The following DNAH7 variants were observed in gnomAD, a reference collection of about 807,000 sequenced individuals.
The protein encoded by DNAH7 is axonemal beta dynein heavy chain 7.
A neutral mutation model predicts 444.6 loss-of-function variants in DNAH7; 397 were observed. That is an observed-to-expected ratio of 0.89 (90% CI 0.82 to 0.97). DNAH7 has a LOEUF of 0.97. DNAH7 is among the 50% of genes least tolerant of loss of function. The pLI is 0.00. For synonymous variants in DNAH7, 1,636 were observed against 1,624.4 expected (o/e 1.01, Z -0.17); for missense variants, 4,902 against 4,800.8 (o/e 1.02, Z -0.62).
At chr2:196,013,242 C>T (rs1430515713) in intron 9 of DNAH7, among the ~76,000 whole-genome samples, 2 of 152,062 alleles carry the variant, frequency 1.3e-5, no homozygotes, top group African/African-American at 4.8e-5. Context: ...TTCTAGGATC[C>T]ACTGCTCTGA....
intron 54 of DNAH7, among the ~76,000 whole-genome samples, chr2:195,804,505 GCAAA>G (rs141980357): frequency 1.8e-3 from 269 of 152,312 alleles, no homozygotes; most frequent in African/African-American, 6.3e-3. Flanking sequence ...AGCTGTGCTG[GCAAA>G]CAGTTTCCAA....
intron 40 of DNAH7, among the ~76,000 whole-genome samples, chr2:195,866,902 TAA>T (rs993667513): frequency 2.0e-5 from 3 of 152,160 alleles, no homozygotes; most frequent in Non-Finnish European, 4.4e-5. Context: ...TGATAGTGAA[TAA>T]GTCTCACGAG....
rs1284070060 is a variant in DNAH7, at chr2:195,777,854, A to C, written c.11010T>G (p.Asn3670Lys). 3 of 1,613,984 alleles carry C rather than the reference A, an allele frequency of 1.9e-6. No individual in the cohort carries two copies. The African/African-American group carries it at 4.0e-5, about 22-fold the overall frequency. ...CACTTGAGTCGAACTTATAGTCTGA[A>C]TTTTCAACTAATTCGGGATTGAAGA... ...NKFFNPELVE[N>K]SDYKFDSSGI... Residue 3670 changes from asparagine to lysine, a missense_variant, in exon 59 of 65, where the codon AAT (asparagine) becomes AAG (lysine). Coordinates refer to ENST00000312428, the MANE Select transcript of DNAH7 (RefSeq NM_018897.3).
At position 195,816,671 on chromosome 2, in the gene DNAH7, G is replaced by A. The variant is rs773159967; in HGVS notation, c.9718C>T (p.Leu3240=). ...GATTTCTCTGAATTTTCAATAGACA[G>A]GATGAAAAGGTTAATAAACCAGGTC... ...SLTWFINLFI[L]SIENSEKSEI... The change falls in exon 51 of 65, where the codon CTG becomes TTG. Residue 3240 remains leucine, a synonymous_variant. Transcript: ENST00000312428. 1 of 1,613,888 alleles carries A rather than the reference G, an allele frequency of 6.2e-7. No individual in the cohort carries two copies. The highest frequency in any genetic ancestry group is 1.1e-5 in the South Asian group (1 of 90,996).
chr2:195,915,256 G>A (rs1687603461), intron 24 of DNAH7, among the ~76,000 whole-genome samples: 1 of 152,322 alleles, frequency 6.6e-6, no homozygotes, highest in African/African-American at 2.4e-5. Flanking sequence ...GAATGTCAGA[G>A]AAAGGCTACC....
chr2:195,939,704 C>A (rs895735742), intron 19 of DNAH7, among the ~76,000 whole-genome samples: 4 of 152,062 alleles, frequency 2.6e-5, no homozygotes, highest in African/African-American at 9.7e-5. Flanking sequence ...TCACAACCAC[C>A]CACCAATCTC....
chr2:195,852,076 G>A (rs1449664857), intron 46 of DNAH7, among the ~76,000 whole-genome samples: 1 of 152,080 alleles, frequency 6.6e-6, no homozygotes, highest in Non-Finnish European at 1.5e-5. Context: ...GGCTAACATG[G>A]TGAAACCCCG....
At chr2:196,008,927 TG>T (rs1332578938) in intron 10 of DNAH7, among the ~76,000 whole-genome samples, 1 of 152,132 alleles carries the variant, frequency 6.6e-6, no homozygotes, top group Non-Finnish European at 1.5e-5. Flanking sequence ...TGTAGCAGCA[TG>T]GTTCTAGCAT....
In DNAH7 at chr2:195,745,198, C is replaced by T. The variant is rs575108128; in HGVS notation, c.11765-4329G>A. ...GCTGAAAGCCAAGGCTCAAGAACTA[C>T]GTGAAGAATGCAGAAGCCTCAGGAG... On this transcript the variant is annotated intron_variant, in intron 63 of 64. Coordinates refer to ENST00000312428, the MANE Select transcript of DNAH7 (RefSeq NM_018897.3). Among the ~76,000 whole-genome samples the T allele has an allele frequency of 5.8e-3, 883 of 152,104 alleles. 8 individuals are homozygous for T. Among genetic ancestry groups the T allele is most frequent in the African/African-American group, 0.02 (849 of 41,464 alleles).
chr2:196,052,880 G>A (rs985075141), intron 2 of DNAH7, among the ~76,000 whole-genome samples: 1 of 152,152 alleles, frequency 6.6e-6, no homozygotes, highest in African/African-American at 2.4e-5. Context: ...TGGAGTGGAT[G>A]GGGAAGGTAA....
At chr2:195,858,324 AG>A in intron 43 of DNAH7, 149 bp downstream of exon 43, 1 of 687,066 alleles carries the variant, frequency 1.5e-6, no homozygotes, top group Non-Finnish European at 2.2e-6. Flanking sequence ...CAAGTCAATT[AG>A]GGAATTCTTT....
intron 61 of DNAH7, among the ~76,000 whole-genome samples, chr2:195,764,467 T>C (rs540923925): frequency 6.6e-6 from 1 of 152,242 alleles, no homozygotes; most frequent in South Asian, 2.1e-4. Context: ...GTGCAGTTGA[T>C]ATGATCTTAT....
intron 5 of DNAH7, among the ~76,000 whole-genome samples, chr2:196,032,526 T>C (rs1386730261): frequency 6.6e-6 from 1 of 152,084 alleles, no homozygotes; most frequent in Non-Finnish European, 1.5e-5. Flanking sequence ...ACAAATTACA[T>C]AAAAAGAATA....
At chr2:196,018,600 C>T (rs1444202508) in intron 9 of DNAH7, among the ~76,000 whole-genome samples, 4 of 151,674 alleles carry the variant, frequency 2.6e-5, no homozygotes, top group African/African-American at 4.8e-5. Flanking sequence ...ACAAAGAGAT[C>T]GAAATAATTA....
At chr2:195,919,931 A>G (rs1687921964) in intron 24 of DNAH7, among the ~76,000 whole-genome samples, 1 of 152,180 alleles carries the variant, frequency 6.6e-6, no homozygotes, top group Admixed American at 6.5e-5. Context: ...AGGCTTGTGT[A>G]TAGCAAGCTT....
intron 50 of DNAH7, among the ~76,000 whole-genome samples, chr2:195,817,457 G>T (rs1697280024): frequency 1.3e-5 from 2 of 152,148 alleles, no homozygotes; most frequent in South Asian, 4.1e-4. Flanking sequence ...AAAATACCCT[G>T]CCCTGACTTC....
chr2:196,010,575 T>A (rs890713011), intron 10 of DNAH7, among the ~76,000 whole-genome samples: 6 of 152,158 alleles, frequency 3.9e-5, no homozygotes, highest in African/African-American at 1.4e-4. Flanking sequence ...CTGCTGGGCA[T>A]ATACCCCAAA....
chr2:195,993,994 C>T lies in DNAH7; in HGVS notation c.1354-5765G>A, dbSNP rs375344219. 5.9e-5 allele frequency among the ~76,000 whole-genome samples: 9 copies of T among 152,296 alleles called. No individual in the cohort carries two copies. The East Asian group carries it at 1.5e-3, about 26-fold the overall frequency. ...CACCTGATTGCATATTTTTTCATTT[C>T]CTGACTTATCCAGGAGATCATGGAG... On this transcript the variant is annotated intron_variant, in intron 12 of 64. Transcript: ENST00000312428.
chr2:195,742,356 A>C (rs1051780267), intron 63 of DNAH7, among the ~76,000 whole-genome samples: 1 of 152,208 alleles, frequency 6.6e-6, no homozygotes, highest in Non-Finnish European at 1.5e-5. Flanking sequence ...TGCCTCACTG[A>C]CTCGAAAACA....
Sources: allele counts gnomAD v4.1 joint callset (sites outside exome capture counted in the v4.1 genomes callset), GRCh38; gene constraint gnomAD v4.1.1; transcripts MANE v1.5; gene names NCBI Gene and HGNC (gene_info 2026-07-23, HGNC 2026-07-21).